Variants in RALYL observed in about 807,000 individuals in gnomAD.
The protein encoded by RALYL is RALY RNA binding protein like.
A neutral mutation model predicts 35.1 loss-of-function variants in RALYL; 29 were observed. The observed-to-expected ratio is 0.83, with a 90% CI of 0.61 to 1.13. The LOEUF (loss-of-function observed/expected upper bound fraction) is 1.13. Ranked by LOEUF, RALYL falls within the 50% of genes most tolerant of loss-of-function variation. The pLI, the probability that RALYL is intolerant of heterozygous loss-of-function variation, is 0.00. For synonymous variants in RALYL, 120 were observed against 127.6 expected (o/e 0.94, Z 0.40); for missense variants, 359 against 360.4 (o/e 1.00, Z 0.03).
At chr8:84,401,542 G>A (rs1192781196) in intron 1 of RALYL, among the ~76,000 whole-genome samples, 2 of 149,372 alleles carry the variant, frequency 1.3e-5, no homozygotes, top group Non-Finnish European at 3.0e-5. Flanking sequence ...GGAGGCTGAG[G>A]CAGGAGAATG....
intron 1 of RALYL, among the ~76,000 whole-genome samples, chr8:84,473,523 GT>G (rs1563996403): frequency 6.6e-6 from 1 of 151,470 alleles, no homozygotes; most frequent in Non-Finnish European, 1.5e-5. Context: ...TCCTTAAATG[GT>G]TTTTTGAATG....
chr8:84,297,690 C>G (rs77750145), intron 1 of RALYL, among the ~76,000 whole-genome samples: 2,761 of 152,200 alleles, frequency 0.018, 37 homozygotes, highest in South Asian at 0.03. Flanking sequence ...ATTTCTTTTT[C>G]TCTGCAGCCT....
intron 1 of RALYL, among the ~76,000 whole-genome samples, chr8:84,439,135 G>T (rs1292112131): frequency 6.6e-6 from 1 of 152,056 alleles, no homozygotes; most frequent in East Asian, 1.9e-4. Context: ...GATGTTGGTA[G>T]TTTGACAGGA....
At chr8:84,554,384 G>A (rs2060954488) in intron 2 of RALYL, among the ~76,000 whole-genome samples, 1 of 152,108 alleles carries the variant, frequency 6.6e-6, no homozygotes, top group Non-Finnish European at 1.5e-5. Context: ...CAAAATAATG[G>A]TGTTAATTGT....
At chr8:84,288,988 G>A (rs1362601766) in intron 1 of RALYL, among the ~76,000 whole-genome samples, 1 of 152,148 alleles carries the variant, frequency 6.6e-6, no homozygotes, top group Non-Finnish European at 1.5e-5. Flanking sequence ...GAACTTGACT[G>A]TGCCAAAACA....
At chr8:84,270,584 A>G (rs368020560) in intron 1 of RALYL, among the ~76,000 whole-genome samples, 44 of 76,620 alleles carry the variant, frequency 5.7e-4, no homozygotes, top group Admixed American at 1.9e-3. Flanking sequence ...GTGTGTGTGT[A>G]TGTATGTATA....
intron 2 of RALYL, among the ~76,000 whole-genome samples, chr8:84,655,634 A>G (rs894059349): frequency 6.6e-6 from 1 of 151,532 alleles, no homozygotes; most frequent in African/African-American, 2.4e-5. Context: ...GGATTATTAG[A>G]TTTTTTTTTC....
intron 1 of RALYL, among the ~76,000 whole-genome samples, chr8:84,317,282 T>G (rs142203378): frequency 6.6e-6 from 1 of 152,238 alleles, no homozygotes; most frequent in East Asian, 1.9e-4. Context: ...GGATATTAAA[T>G]CTAAACCAAA....
At chr8:84,462,901 AC>A (rs2050975772) in intron 1 of RALYL, among the ~76,000 whole-genome samples, 1 of 151,808 alleles carries the variant, frequency 6.6e-6, no homozygotes, top group Admixed American at 6.6e-5. Flanking sequence ...TTATAAAGCA[AC>A]CCACCTTTGT....
At chr8:84,547,236 T>C (rs2060423274) in intron 2 of RALYL, among the ~76,000 whole-genome samples, 3 of 152,192 alleles carry the variant, frequency 2.0e-5, no homozygotes, top group African/African-American at 7.2e-5. Context: ...TTACTTTTTA[T>C]TCTTAATTTT....
intron 4 of RALYL, among the ~76,000 whole-genome samples, chr8:84,846,372 C>A (rs2134713965): frequency 6.6e-6 from 1 of 152,128 alleles, no homozygotes; most frequent in East Asian, 1.9e-4. Flanking sequence ...AAATCAATTC[C>A]TGGGTATTTT....
intron 1 of RALYL, among the ~76,000 whole-genome samples, chr8:84,296,344 CA>C (rs1201114882): frequency 2.0e-5 from 3 of 151,984 alleles, no homozygotes; most frequent in African/African-American, 7.2e-5. Context: ...TCAGAGAATT[CA>C]AGACTAAAAG....
At chr8:84,280,280 A>G (rs1214545892) in intron 1 of RALYL, among the ~76,000 whole-genome samples, 1 of 152,168 alleles carries the variant, frequency 6.6e-6, no homozygotes, top group Admixed American at 6.5e-5. Flanking sequence ...AACTTGTGAT[A>G]TCTTTAAAGT....
At chr8:84,444,081 C>A (rs1021348102) in intron 1 of RALYL, among the ~76,000 whole-genome samples, 1 of 152,088 alleles carries the variant, frequency 6.6e-6, no homozygotes, top group African/African-American at 2.4e-5. Context: ...GTCATGTCAG[C>A]ACTTTGGGAT....
chr8:84,774,628 C>G lies in RALYL; in HGVS notation c.306C>G (p.Asn102Lys), dbSNP rs1251848243. Residue 102 changes from asparagine to lysine, a missense_variant, in exon 3 of 9, where the codon AAC (asparagine) becomes AAG (lysine). By Grantham distance (94) the Asn-to-Lys change is moderately conservative (BLOSUM62 0). Coordinates refer to ENST00000521268, the MANE Select transcript of RALYL (RefSeq NM_173848.7). ...EPKPYRPKPGNKRPLSALYRL... is the reference protein window; with the variant it reads ...EPKPYRPKPGKKRPLSALYRL... Reference sequence around the variant, plus strand: ...AACCATACAGACCAAAACCTGGAAACAAGAGGCCCCTTTCTGCACTTTACA... The same window carrying G: ...AACCATACAGACCAAAACCTGGAAAGAAGAGGCCCCTTTCTGCACTTTACA... 1.2e-6 allele frequency: 2 copies of G among 1,609,362 alleles called. No homozygotes were observed. The highest frequency in any genetic ancestry group is 4.5e-5 in the East Asian group (2 of 44,718).
At chr8:84,559,165 A>G (rs902565204) in intron 2 of RALYL, among the ~76,000 whole-genome samples, 2 of 151,960 alleles carry the variant, frequency 1.3e-5, no homozygotes, top group African/African-American at 4.8e-5. Context: ...ATTTGGGAGA[A>G]AAAGATGATA....
At chr8:84,237,698 A>G (rs1431049501) in intron 1 of RALYL, among the ~76,000 whole-genome samples, 3 of 152,172 alleles carry the variant, frequency 2.0e-5, no homozygotes, top group Non-Finnish European at 4.4e-5. Context: ...CACCATTACT[A>G]TAAGAAGAAA....
intron 3 of RALYL, among the ~76,000 whole-genome samples, chr8:84,781,242 C>T (rs1818077910): frequency 6.6e-6 from 1 of 152,142 alleles, no homozygotes; most frequent in Admixed American, 6.5e-5. Context: ...TTAATGTTTT[C>T]TATAACTTCT....
At chr8:84,866,465 A>C (rs945408749) in intron 6 of RALYL, among the ~76,000 whole-genome samples, 1 of 152,190 alleles carries the variant, frequency 6.6e-6, no homozygotes, top group African/African-American at 2.4e-5. Flanking sequence ...TGCTACTACT[A>C]TAATTATTAT....
Sources: allele counts gnomAD v4.1 joint callset (sites outside exome capture counted in the v4.1 genomes callset), GRCh38; gene constraint gnomAD v4.1.1; transcripts MANE v1.5; gene names NCBI Gene and HGNC (gene_info 2026-07-23, HGNC 2026-07-21).